KYNU: variants seen among roughly 807,000 people sequenced by gnomAD.
The protein encoded by KYNU is L-kynurenine hydrolase.
Under a neutral mutation model 59.2 loss-of-function variants are expected in KYNU, and 54 were observed. The observed-to-expected ratio is 0.91, with a 90% CI of 0.73 to 1.14. KYNU has a LOEUF of 1.14. Ranked by LOEUF, KYNU falls within the 50% of genes most tolerant of loss-of-function variation. The probability of loss-of-function intolerance (pLI) is 0.00; values close to 1 mark genes in which losing one functional copy is unlikely to be tolerated. For synonymous variants in KYNU, 177 were observed against 192.0 expected (o/e 0.92, Z 0.65); for missense variants, 567 against 554.4 (o/e 1.02, Z -0.23).
intron 4 of KYNU, among the ~76,000 whole-genome samples, chr2:142,931,564 TAG>T (rs772538536): frequency 3.3e-5 from 5 of 152,164 alleles, no homozygotes; most frequent in Non-Finnish European, 7.4e-5. Context: ...CTGAGTGGGT[TAG>T]AGTTTGGTAA....
At chr2:142,889,062 G>A (rs1021922382) in intron 2 of KYNU, among the ~76,000 whole-genome samples, 42 of 151,638 alleles carry the variant, frequency 2.8e-4, no homozygotes, top group Admixed American at 2.5e-3. Context: ...GAGCCTGGTC[G>A]TGGTCCACGT....
Position 143,045,516 on chromosome 2 carries a change from G to A in KYNU, c.*3344G>A, listed in dbSNP as rs968183000. The A allele has an allele frequency of 6.6e-6, 1 of 152,022 alleles. No homozygotes were observed. Among genetic ancestry groups the A allele is most frequent in the Non-Finnish European group, 1.5e-5 (1 of 68,004 alleles). The allele number at this position is 152,022 out of a possible 1,614,324, so 9.4% of individuals were successfully genotyped here. On this transcript the variant is annotated 3_prime_UTR_variant, in exon 14 of 14. Transcript: ENST00000264170. ...GTCCTCTCTGGTATCCTTGAGCAGT[G>A]GTTTGTAGTTCTCATTGAAGTAGTC...
At chr2:142,996,619 A>C (rs1685553732) in intron 10 of KYNU, among the ~76,000 whole-genome samples, 2 of 148,404 alleles carry the variant, frequency 1.3e-5, no homozygotes, top group Admixed American at 1.3e-4. Context: ...TTTCAGTCAG[A>C]CTGAAAGGGA....
intron 10 of KYNU, among the ~76,000 whole-genome samples, chr2:143,020,692 G>A (rs1686379701): frequency 6.6e-6 from 1 of 152,138 alleles, no homozygotes; most frequent in Non-Finnish European, 1.5e-5. Flanking sequence ...GATTTTCTGT[G>A]TAGACAATTT....
At chr2:143,012,077 AAG>A (rs1553488945) in intron 10 of KYNU, among the ~76,000 whole-genome samples, 1 of 151,660 alleles carries the variant, frequency 6.6e-6, no homozygotes, top group African/African-American at 2.4e-5. Context: ...AAAAAAAAAA[AAG>A]AAAATACACT....
At chr2:143,014,815 A>C (rs1686205351) in intron 10 of KYNU, among the ~76,000 whole-genome samples, 1 of 152,240 alleles carries the variant, frequency 6.6e-6, no homozygotes, top group Non-Finnish European at 1.5e-5. Context: ...TTTTCAAATC[A>C]GAGGAATGAC....
In KYNU at chr2:143,051,476, T is replaced by C. The variant is rs930287677; in HGVS notation, c.*9304T>C. The stretch of plus-strand genomic sequence containing the variant: ...TATAAATTATATTTTTATTTCATAG[T>C]GGTATTTTCAATTTTGTCTGGGATA... On this transcript the variant is annotated 3_prime_UTR_variant, in exon 14 of 14. Transcript: ENST00000264170. 15 of 152,096 alleles carry C rather than the reference T, an allele frequency of 9.9e-5. No individual in the cohort carries two copies. Among genetic ancestry groups the C allele is most frequent in the African/African-American group, 3.6e-4 (15 of 41,416 alleles). 9.4% of individuals were successfully genotyped at this position (152,096 alleles called of 1,614,324 possible). A position where few individuals can be genotyped will look rare whatever the true frequency, so the allele number is the denominator to read the frequency against.
intron 10 of KYNU, among the ~76,000 whole-genome samples, chr2:142,994,632 T>C (rs1032159394): frequency 1.3e-5 from 2 of 152,072 alleles, no homozygotes; most frequent in South Asian, 4.1e-4. Context: ...CTATGAAAAT[T>C]CATTTTAGCA....
chr2:142,916,738 T>C (rs76215059), intron 2 of KYNU, among the ~76,000 whole-genome samples: 1,544 of 152,270 alleles, frequency 0.01, 21 homozygotes, highest in African/African-American at 0.036. Flanking sequence ...AGGAAGACTT[T>C]CCAGGGAATA....
At chr2:143,013,298 C>CTGTGTGTGTGTGTG (rs71301735) in intron 10 of KYNU, among the ~76,000 whole-genome samples, 189 of 149,570 alleles carry the variant, frequency 1.3e-3, no homozygotes, top group East Asian at 2.5e-3. Context: ...GTCTCTTTCT[C>CTGTGTGTGTGTGTG]TGTGTGTGTG....
At chr2:142,906,943 A>C (rs1682317950) in intron 2 of KYNU, among the ~76,000 whole-genome samples, 1 of 152,160 alleles carries the variant, frequency 6.6e-6, no homozygotes, top group African/African-American at 2.4e-5. Flanking sequence ...AGTTGTTAGA[A>C]AGCCTTTTCC....
chr2:142,905,666 G>T (rs1290796628), intron 2 of KYNU, among the ~76,000 whole-genome samples: 1 of 152,198 alleles, frequency 6.6e-6, no homozygotes, highest in Non-Finnish European at 1.5e-5. Flanking sequence ...GGTTATGTGT[G>T]CTCACAATAA....
chr2:142,955,103 A>G (rs1436001886), intron 5 of KYNU, among the ~76,000 whole-genome samples: 1 of 152,044 alleles, frequency 6.6e-6, no homozygotes, highest in East Asian at 1.9e-4. Flanking sequence ...GTCTGGGAAA[A>G]TAAAGAATAA....
intron 4 of KYNU, among the ~76,000 whole-genome samples, chr2:142,944,821 T>C (rs1387764877): frequency 8.5e-5 from 13 of 152,256 alleles, no homozygotes. Flanking sequence ...TATTGTGGCT[T>C]GGTTCCAGGT....
chr2:142,910,883 A>G (rs973698219), intron 2 of KYNU, among the ~76,000 whole-genome samples: 1 of 152,042 alleles, frequency 6.6e-6, no homozygotes, highest in African/African-American at 2.4e-5. Context: ...ACTGTTGTAG[A>G]TATGTGGCTT....
At chr2:142,956,464 G>T (rs1221563120) in intron 6 of KYNU, among the ~76,000 whole-genome samples, 190 bp downstream of exon 6, 1 of 152,088 alleles carries the variant, frequency 6.6e-6, no homozygotes, top group Non-Finnish European at 1.5e-5. Flanking sequence ...TAAAACACGT[G>T]TTAAGGGAAG....
chr2:143,001,401 G>A (rs934420724), intron 10 of KYNU, among the ~76,000 whole-genome samples: 1 of 152,036 alleles, frequency 6.6e-6, no homozygotes, highest in African/African-American at 2.4e-5. Context: ...TTATTAATAA[G>A]TGAAACATAA....
intron 10 of KYNU, among the ~76,000 whole-genome samples, chr2:143,019,377 A>G (rs1458967062): frequency 6.6e-6 from 1 of 152,148 alleles, no homozygotes; most frequent in Non-Finnish European, 1.5e-5. Flanking sequence ...CCTTTTCAGC[A>G]CGTATTGAAA....
chr2:142,980,986 G>A (rs1685035920), intron 8 of KYNU, among the ~76,000 whole-genome samples: 2 of 152,094 alleles, frequency 1.3e-5, no homozygotes, highest in African/African-American at 2.4e-5. Context: ...CTGCCATCTA[G>A]TGACACTTTT....
Sources: allele counts gnomAD v4.1 joint callset (sites outside exome capture counted in the v4.1 genomes callset), GRCh38; gene constraint gnomAD v4.1.1; transcripts MANE v1.5; gene names NCBI Gene and HGNC (gene_info 2026-07-23, HGNC 2026-07-21).